The following WDR19 variants were observed in gnomAD, a reference collection of about 807,000 sequenced individuals.
The protein encoded by WDR19 is WD repeat domain 19, also known as WD repeat-containing protein 19.
In WDR19, 121 loss-of-function variants were observed where a neutral mutation model predicts 180.0. The ratio of observed to expected loss-of-function variants is 0.67; its 90% CI spans 0.58 to 0.78. The LOEUF is 0.78. Among genes scored for constraint, WDR19 ranks in the 30% least tolerant of loss-of-function variants. WDR19 has a pLI of 0.00. For synonymous variants in WDR19, 497 were observed against 540.7 expected (o/e 0.92, Z 1.12); for missense variants, 1,450 against 1,640.7 (o/e 0.88, Z 2.01).
chr4:39,224,675 C>G (rs566364903), intron 14 of WDR19, among the ~76,000 whole-genome samples: 1 of 152,308 alleles, frequency 6.6e-6, no homozygotes, highest in African/African-American at 2.4e-5. Flanking sequence ...GGATTACAGG[C>G]AAGAGCCACT....
In WDR19 at chr4:39,255,862, A is replaced by G. The variant is rs199678654; in HGVS notation, c.3016A>G (p.Thr1006Ala). The G allele has an allele frequency of 3.0e-4, 480 of 1,598,798 alleles. 1 individual carries two copies. Among genetic ancestry groups the G allele is most frequent in the Non-Finnish European group, 3.6e-4 (424 of 1,172,334 alleles). ...TTCTGTTACAGGTTCTGAAGACACT[A>G]CTAATGAAGACTATCAAAGCATTGC... ...YADIIGSEDTTNEDYQSIALY... is the reference protein window; with the variant it reads ...YADIIGSEDTANEDYQSIALY... The change falls in exon 27 of 37, where the codon ACT (threonine) becomes GCT (alanine). Residue 1006 changes from threonine (T) to alanine (A), a missense_variant. Coordinates refer to ENST00000399820, the MANE Select transcript of WDR19 (RefSeq NM_025132.4).
At chr4:39,260,954 T>G (rs1055687373) in intron 28 of WDR19, among the ~76,000 whole-genome samples, 1 of 152,078 alleles carries the variant, frequency 6.6e-6, no homozygotes, top group Admixed American at 6.6e-5. Context: ...TTGGGGGATG[T>G]AGGGGGACAC....
chr4:39,244,502 A>G lies in WDR19; in HGVS notation c.2595A>G (p.Lys865=). The part of the protein sequence containing the change: ...QFSEAAQLYE[K]GLYYDKAASV... Reference sequence around the variant, plus strand: ...CAGAAGCGGCCCAACTGTATGAAAAAGGTCTCTACTACGATAAAGCAGCAT... The same window carrying G: ...CAGAAGCGGCCCAACTGTATGAAAAGGGTCTCTACTACGATAAAGCAGCAT... The change falls in exon 23 of 37, where the codon AAA becomes AAG. Residue 865 remains lysine, a synonymous_variant. Transcript: ENST00000399820. The G allele has an allele frequency of 6.2e-7, 1 of 1,614,002 alleles. No individual in the cohort carries two copies. The highest frequency in any genetic ancestry group is 1.1e-5 in the South Asian group (1 of 91,082).
chr4:39,235,370 T>C (rs539648060), intron 20 of WDR19, among the ~76,000 whole-genome samples: 1 of 152,272 alleles, frequency 6.6e-6, no homozygotes, highest in African/African-American at 2.4e-5. Context: ...GCTCAAGTGA[T>C]CCTCCCAGCT....
intron 10 of WDR19, 102 bp downstream of exon 10, chr4:39,214,773 A>ATT (rs372720511): frequency 2.8e-3 from 1,394 of 501,534 alleles, no homozygotes; most frequent in South Asian, 3.6e-3. Context: ...AGGAGGAATA[A>ATT]TTTTTTTTTT....
intron 5 of WDR19, among the ~76,000 whole-genome samples, chr4:39,196,284 TTA>T (rs1168328654): frequency 1.3e-5 from 2 of 152,138 alleles, no homozygotes; most frequent in African/African-American, 4.8e-5. Flanking sequence ...ACTCCCAAAT[TTA>T]TATCTTTTCC....
Position 39,205,497 on chromosome 4 carries a change from A to G in WDR19, c.717-66A>G. 5 of 1,514,898 alleles carry G rather than the reference A, an allele frequency of 3.3e-6. No individual in the cohort carries two copies. In the South Asian group the frequency reaches 6.5e-5, roughly 20 times the overall value. The allele number at this position is 1,514,898 out of a possible 1,614,324, so 93.8% of individuals were successfully genotyped here. A position where few individuals can be genotyped will look rare whatever the true frequency, so the allele number is the denominator to read the frequency against. On this transcript the variant is annotated intron_variant, in intron 8 of 36. Transcript: ENST00000399820. ...ATTCCTTAATTTTAAGGTACTTGCT[A>G]ATTTACCATGTTGCCACTGATAGCT...
chr4:39,205,490 A>G (rs1230263937), intron 8 of WDR19, 73 bp from the exon 9 acceptor site: 4 of 1,476,448 alleles, frequency 2.7e-6, no homozygotes, highest in Middle Eastern at 3.5e-4. Flanking sequence ...ATTTTAAGGT[A>G]CTTGCTAATT....
Position 39,204,673 on chromosome 4 carries a change from A to G in WDR19, c.604-481A>G, listed in dbSNP as rs577898934. 6.6e-5 allele frequency among the ~76,000 whole-genome samples: 10 copies of G among 152,326 alleles called. 1 individual carries two copies. Among genetic ancestry groups the G allele is most frequent in the Admixed American group, 5.2e-4 (8 of 15,306 alleles). On this transcript the variant is annotated intron_variant, in intron 7 of 36. Transcript: ENST00000399820. ...ATTTACTTGCATGAGTAGCAAAGAG[A>G]CACTAGTTTAGCCAACACTGACCTG...
Position 39,184,051 on chromosome 4 carries a change from T to C in WDR19, c.6+1488T>C, listed in dbSNP as rs140003805. Among the ~76,000 whole-genome samples, 591 of 152,342 alleles carry C rather than the reference T, an allele frequency of 3.9e-3. 4 individuals are homozygous for C. The highest frequency in any genetic ancestry group is 0.013 in the African/African-American group (557 of 41,582). ...TTCTTTATGCTCTATAAAACTTTTA[T>C]GTCCCATGATCATAGCCCACCTCTA... On this transcript the variant is annotated intron_variant, in intron 1 of 36. Transcript: ENST00000399820.
At chr4:39,182,621 T>A in intron 1 of WDR19, 58 bp downstream of exon 1, 2 of 1,611,820 alleles carry the variant, frequency 1.2e-6, no homozygotes, top group Non-Finnish European at 1.7e-6. Flanking sequence ...TGGCCCTTGG[T>A]CGCTTTTAAA....
chr4:39,257,683 C>A, intron 28 of WDR19, 129 bp downstream of exon 28: 2 of 761,230 alleles, frequency 2.6e-6, no homozygotes, highest in Non-Finnish European at 4.2e-6. Flanking sequence ...CGTGTAACTT[C>A]AACAGCTGTC....
chr4:39,198,521 G>A lies in WDR19; in HGVS notation c.407-957G>A, dbSNP rs910269203. On this transcript the variant is annotated intron_variant, in intron 5 of 36. Coordinates refer to ENST00000399820, the MANE Select transcript of WDR19 (RefSeq NM_025132.4). ...GCTTGCAGTGAGCCAAGATCGCGCC[G>A]CTGCACTCCAGCCTGGGCGACAGAG... 8.6e-5 allele frequency among the ~76,000 whole-genome samples: 13 copies of A among 151,004 alleles called. No homozygotes were observed. The South Asian group carries it at 1.0e-3, about 12-fold the overall frequency.
intron 5 of WDR19, among the ~76,000 whole-genome samples, chr4:39,195,965 T>G (rs1235328325): frequency 6.6e-6 from 1 of 152,210 alleles, no homozygotes; most frequent in East Asian, 1.9e-4. Flanking sequence ...ATTATTGGTG[T>G]TAAGACTAAC....
rs1452830390 is a variant in WDR19 at position 39,189,685 on chromosome 4, A to G, written c.194A>G (p.Asp65Gly). ...TGTGTTGCCATGGATTGGGATAAAG[A>G]TGGAGATGTCCTAGCAGTGATTGCT... Reference protein sequence around the residue: ...GNCVAMDWDKDGDVLAVIAEK... With the variant: ...GNCVAMDWDKGGDVLAVIAEK... The change falls in exon 4 of 37, where the codon GAT (aspartate) becomes GGT (glycine). Residue 65 changes from aspartate to glycine, a missense_variant. Asp to Gly is a moderately conservative substitution (Grantham distance 94). Coordinates refer to ENST00000399820, the MANE Select transcript of WDR19 (RefSeq NM_025132.4). 6.2e-7 allele frequency: 1 copy of G among 1,608,278 alleles called. No individual in the cohort carries two copies. The highest frequency in any genetic ancestry group is 8.5e-7 in the Non-Finnish European group (1 of 1,177,870).
At position 39,246,625 on chromosome 4, in the gene WDR19, G is replaced by A. The variant is rs926338862; in HGVS notation, c.2729+1173G>A. ...CTAGTCAAAGAAAGGGGTGACAGAC[G>A]GCACCCGTAAAATCGGGTCACTCCC... On this transcript the variant is annotated intron_variant, in intron 24 of 36. Transcript: ENST00000399820. Among the ~76,000 whole-genome samples the A allele has an allele frequency of 5.3e-5, 8 of 152,268 alleles. No homozygotes were observed. The East Asian group carries it at 7.7e-4, about 15-fold the overall frequency.
chr4:39,248,603 G>A (rs13125523), intron 24 of WDR19, among the ~76,000 whole-genome samples: 147,950 of 152,198 alleles, frequency 0.97, 72,037 homozygotes, highest in Middle Eastern at 1. Context: ...ATATTCAGGA[G>A]ACCCATCTCA....
intron 33 of WDR19, among the ~76,000 whole-genome samples, chr4:39,276,166 A>G (rs1735869906): frequency 1.3e-5 from 2 of 152,172 alleles, no homozygotes; most frequent in East Asian, 1.9e-4. Context: ...GGTAATGACA[A>G]ATGGAAGCAA....
intron 5 of WDR19, among the ~76,000 whole-genome samples, chr4:39,198,904 G>A (rs528572038): frequency 9.9e-5 from 15 of 151,554 alleles, no homozygotes; most frequent in Middle Eastern, 3.4e-3. Context: ...AGGCTGAGGC[G>A]GAAGAATTGC....
Sources: gnomAD v4.1 joint callset for allele counts (sites outside exome capture counted in the v4.1 genomes callset) on GRCh38, gnomAD v4.1.1 for gene constraint, MANE v1.5 for transcripts, NCBI Gene and HGNC (gene_info 2026-07-23, HGNC 2026-07-21) for gene names.